The following DDAH1 variants were observed in gnomAD, a reference collection of about 807,000 sequenced individuals.
The protein encoded by DDAH1 is N(G),N(G)-dimethylarginine dimethylaminohydrolase 1.
In DDAH1, 19 loss-of-function variants were observed where a neutral mutation model predicts 28.8. The ratio of observed to expected loss-of-function variants is 0.66; its 90% CI spans 0.46 to 0.97. The LOEUF (loss-of-function observed/expected upper bound fraction) is 0.97. Ranked by LOEUF, DDAH1 falls within the 50% of genes least tolerant of loss-of-function variation. DDAH1 has a pLI of 0.00. For missense variants in DDAH1, 326 were observed against 375.9 expected, an observed-to-expected ratio of 0.87 and a Z score of 1.10; for synonymous variants, 153 against 154.4, an observed-to-expected ratio of 0.99 and a Z score of 0.07.
At chr1:85,459,918 G>A (rs1405981955) in intron 1 of DDAH1, among the ~76,000 whole-genome samples, 1 of 152,184 alleles carries the variant, frequency 6.6e-6, no homozygotes, top group Non-Finnish European at 1.5e-5. Flanking sequence ...TGGGATTTAA[G>A]TAGTTATTCT....
At chr1:85,429,954 T>C (rs1016700637) in intron 1 of DDAH1, among the ~76,000 whole-genome samples, 10 of 152,346 alleles carry the variant, frequency 6.6e-5, no homozygotes, top group Middle Eastern at 6.8e-3. Context: ...ATCCTGTAGG[T>C]TGCCTGTTCA....
chr1:85,403,233 G>A (rs997147133), intron 1 of DDAH1, among the ~76,000 whole-genome samples: 1 of 59,342 alleles, frequency 1.7e-5, no homozygotes, highest in African/African-American at 5.5e-5. Flanking sequence ...GAATATATAT[G>A]TGTGTATATA....
At chr1:85,467,766 ATATT>A (rs1380422939), upstream of DDAH1, 2 of 152,218 alleles carry the variant, frequency 1.3e-5, no homozygotes, top group African/African-American at 4.8e-5. Flanking sequence ...TTTCCCATGA[ATATT>A]TATTGAAAAT....
intron 1 of DDAH1, among the ~76,000 whole-genome samples, chr1:85,412,525 C>T (rs12138852): frequency 0.16 from 23,741 of 152,126 alleles, 2,268 homozygotes; most frequent in Admixed American, 0.22. Flanking sequence ...TACTACCAAT[C>T]GGTGTAGTAT....
At chr1:85,459,497 A>G (rs901125364) in intron 1 of DDAH1, among the ~76,000 whole-genome samples, 1 of 152,186 alleles carries the variant, frequency 6.6e-6, no homozygotes, top group Admixed American at 6.5e-5. Context: ...CATGTAGAAG[A>G]GTCAAAACAA....
intron 1 of DDAH1, among the ~76,000 whole-genome samples, chr1:85,413,496 C>A (rs2100600431): frequency 6.6e-6 from 1 of 152,340 alleles, no homozygotes; most frequent in East Asian, 1.9e-4. Context: ...AAGAACATTT[C>A]TTTCAGTAAC....
At chr1:85,400,198 T>C (rs1359119243) in intron 1 of DDAH1, among the ~76,000 whole-genome samples, 4 of 104,106 alleles carry the variant, frequency 3.8e-5, no homozygotes, top group Non-Finnish European at 5.9e-5. Flanking sequence ...TTTTTTTTTT[T>C]TTTTTTTTTT....
intron 1 of DDAH1, among the ~76,000 whole-genome samples, chr1:85,446,414 C>T (rs553027547): frequency 6.6e-6 from 1 of 152,252 alleles, no homozygotes; most frequent in East Asian, 1.9e-4. Context: ...TCTACCTGGT[C>T]TCTCCCTTGC....
At chr1:85,543,427 A>G (rs949357489) in intron 1 of DDAH1, among the ~76,000 whole-genome samples, 4 of 152,188 alleles carry the variant, frequency 2.6e-5, no homozygotes, top group African/African-American at 9.6e-5. Flanking sequence ...GAAACAAGCA[A>G]CTGCCTCCAA....
chr1:85,401,819 G>A (rs1351356522), intron 1 of DDAH1, among the ~76,000 whole-genome samples: 2 of 151,974 alleles, frequency 1.3e-5, no homozygotes, highest in African/African-American at 2.4e-5. Context: ...CAGCTTTTGA[G>A]CTCTTAAAAT....
intron 1 of DDAH1, among the ~76,000 whole-genome samples, chr1:85,419,433 G>A (rs930276355): frequency 7.3e-5 from 11 of 151,324 alleles, no homozygotes; most frequent in East Asian, 5.8e-4. Flanking sequence ...CCAGCTATTC[G>A]GGAGGCTGAG....
exon 1 of DDAH1, chr1:85,578,016 G>A: frequency 1.0e-6 from 1 of 985,464 alleles, no homozygotes; most frequent in Non-Finnish European, 1.2e-6. Flanking sequence ...CCTCCTGTCC[G>A]TCAACTTGGA....
intron 1 of DDAH1, among the ~76,000 whole-genome samples, chr1:85,503,699 C>T (rs1656907952): frequency 6.6e-6 from 1 of 152,106 alleles, no homozygotes; most frequent in Admixed American, 6.5e-5. Context: ...CACAAACTAA[C>T]ATCACCTACT....
intron 1 of DDAH1, among the ~76,000 whole-genome samples, chr1:85,405,455 T>C (rs1378255153): frequency 1.3e-5 from 2 of 152,130 alleles, no homozygotes; most frequent in Non-Finnish European, 2.9e-5. Context: ...TAAACACAGG[T>C]GTCAGGACGC....
intron 1 of DDAH1, among the ~76,000 whole-genome samples, chr1:85,370,221 TGAAGACACAGATGGCCATCTGCAAGCCA>T (rs1431529530): frequency 6.6e-6 from 1 of 152,168 alleles, no homozygotes; most frequent in East Asian, 1.9e-4. Context: ...AAAGGCCATG[TGAAGACACAGATGGCCATCTGCAAGCCA>T]GGCAGAGGCC....
intron 1 of DDAH1, among the ~76,000 whole-genome samples, chr1:85,550,248 A>G (rs929418686): frequency 6.6e-6 from 1 of 152,188 alleles, no homozygotes; most frequent in Non-Finnish European, 1.5e-5. Flanking sequence ...ACAGAAATTA[A>G]TCTTTGCTGA....
intron 1 of DDAH1, among the ~76,000 whole-genome samples, chr1:85,405,880 G>A (rs1003747916): frequency 2.0e-5 from 3 of 152,162 alleles, no homozygotes; most frequent in Non-Finnish European, 4.4e-5. Context: ...ACTCGAATAC[G>A]TTTCTTTTGA....
At chr1:85,542,298 C>T (rs569799457) in intron 1 of DDAH1, among the ~76,000 whole-genome samples, 1 of 152,290 alleles carries the variant, frequency 6.6e-6, no homozygotes, top group South Asian at 2.1e-4. Flanking sequence ...TTTGAAAAGA[C>T]ACCAAGAGTG....
chr1:85,413,233 AG>A (rs1455258546), intron 1 of DDAH1, among the ~76,000 whole-genome samples: 3 of 152,236 alleles, frequency 2.0e-5, no homozygotes, highest in African/African-American at 7.2e-5. Flanking sequence ...ATTTACTTAA[AG>A]TTTTACCATT....
Sources: allele counts gnomAD v4.1 joint callset (sites outside exome capture counted in the v4.1 genomes callset), GRCh38; gene constraint gnomAD v4.1.1; transcripts MANE v1.5; gene names NCBI Gene and HGNC (gene_info 2026-07-23, HGNC 2026-07-21).